FRAS1: variants seen among roughly 807,000 people sequenced by gnomAD.
FRAS1 encodes Fraser extracellular matrix complex subunit 1.
In FRAS1, 290 loss-of-function variants were observed where a neutral mutation model predicts 435.2. The ratio of observed to expected loss-of-function variants is 0.67; its 90% CI spans 0.61 to 0.73. The LOEUF is 0.73. Ranked by LOEUF, FRAS1 falls within the 30% of genes least tolerant of loss-of-function variation. The pLI, the probability that FRAS1 is intolerant of heterozygous loss-of-function variation, is 0.00. For missense variants in FRAS1, 4,860 were observed against 5,001.5 expected, an observed-to-expected ratio of 0.97 and a Z score of 0.85; for synonymous variants, 1,800 against 1,851.0, an observed-to-expected ratio of 0.97 and a Z score of 0.71.
intron 29 of FRAS1, among the ~76,000 whole-genome samples, chr4:78,398,442 G>A (rs765187523): frequency 6.6e-6 from 1 of 152,220 alleles, no homozygotes; most frequent in Non-Finnish European, 1.5e-5. Context: ...GAGTCACAAG[G>A]TGTATTGTCT....
At chr4:78,142,459 C>T (rs908043685) in intron 2 of FRAS1, among the ~76,000 whole-genome samples, 1 of 151,710 alleles carries the variant, frequency 6.6e-6, no homozygotes, top group Non-Finnish European at 1.5e-5. Context: ...TATGAGTAGA[C>T]AAGATGTAAC....
intron 2 of FRAS1, among the ~76,000 whole-genome samples, chr4:78,184,935 G>C (rs553126175): frequency 6.6e-6 from 1 of 152,262 alleles, no homozygotes; most frequent in South Asian, 2.1e-4. Flanking sequence ...TTCCTTCTGT[G>C]CTCATAGTTT....
intron 14 of FRAS1, among the ~76,000 whole-genome samples, chr4:78,305,788 C>T (rs896963763): frequency 2.6e-5 from 4 of 151,792 alleles, no homozygotes; most frequent in Non-Finnish European, 5.9e-5. Flanking sequence ...CTGAATATAG[C>T]ACACTGATGG....
At chr4:78,135,145 A>G (rs935346384) in intron 2 of FRAS1, among the ~76,000 whole-genome samples, 3 of 152,240 alleles carry the variant, frequency 2.0e-5, no homozygotes, top group African/African-American at 4.8e-5. Context: ...CTGCACTTGC[A>G]AATTAAAAAG....
intron 15 of FRAS1, among the ~76,000 whole-genome samples, chr4:78,311,633 C>T (rs930651958): frequency 6.6e-6 from 1 of 152,206 alleles, no homozygotes; most frequent in Non-Finnish European, 1.5e-5. Flanking sequence ...CTTCATTTGA[C>T]CAAGTAGTGC....
chr4:78,291,467 G>C (rs1442839133), intron 14 of FRAS1, among the ~76,000 whole-genome samples: 1 of 152,130 alleles, frequency 6.6e-6, no homozygotes, highest in Non-Finnish European at 1.5e-5. Context: ...CCTGTTGTGT[G>C]GCCCAGTTTC....
At chr4:78,486,831 T>C (rs1461615401) in intron 58 of FRAS1, among the ~76,000 whole-genome samples, 1 of 12,242 alleles carries the variant, frequency 8.2e-5, no homozygotes, top group Middle Eastern at 0.026. Context: ...TCTCTCTCTA[T>C]TTTTTTTTTT....
intron 36 of FRAS1, 37 bp from the exon 37 acceptor site, chr4:78,430,255 C>T (rs370538460): frequency 1.5e-4 from 247 of 1,613,150 alleles, no homozygotes; most frequent in Non-Finnish European, 1.8e-4. Context: ...TTAACATACG[C>T]TTTCTCTCTC....
intron 2 of FRAS1, among the ~76,000 whole-genome samples, chr4:78,208,130 A>T (rs1723340562): frequency 6.6e-6 from 1 of 152,166 alleles, no homozygotes; most frequent in African/African-American, 2.4e-5. Context: ...TTCTGTGCAG[A>T]CAACCCCCAC....
intron 10 of FRAS1, among the ~76,000 whole-genome samples, chr4:78,280,139 A>G (rs980093422): frequency 3.9e-5 from 6 of 152,226 alleles, no homozygotes; most frequent in Non-Finnish European, 7.3e-5. Context: ...TTATTAAGTC[A>G]AGAACTTTCA....
chr4:78,389,863 CATAA>C (rs1036926794), intron 29 of FRAS1, among the ~76,000 whole-genome samples: 2 of 152,108 alleles, frequency 1.3e-5, no homozygotes, highest in Admixed American at 6.5e-5. Flanking sequence ...AAATTTAATT[CATAA>C]ATAAAGCACA....
intron 2 of FRAS1, among the ~76,000 whole-genome samples, chr4:78,145,552 CCTAA>C (rs1257395915): frequency 2.0e-5 from 3 of 152,068 alleles, no homozygotes; most frequent in Middle Eastern, 3.2e-3. Context: ...GGTTAGAGAA[CCTAA>C]CTGAGCTATG....
At chr4:78,356,804 TA>T (rs71216212) in intron 20 of FRAS1, among the ~76,000 whole-genome samples, 15,700 of 151,880 alleles carry the variant, frequency 0.1, 910 homozygotes, top group African/African-American at 0.15. Context: ...GCCTTTCATA[TA>T]AAAAAAATTC....
At chr4:78,334,901 G>C (rs926745731) in intron 19 of FRAS1, among the ~76,000 whole-genome samples, 4 of 151,922 alleles carry the variant, frequency 2.6e-5, no homozygotes, top group Non-Finnish European at 5.9e-5. Context: ...TGGAACTATA[G>C]GCATACACCA....
intron 61 of FRAS1, among the ~76,000 whole-genome samples, chr4:78,505,820 T>C (rs1437051482): frequency 1.3e-5 from 2 of 152,222 alleles, no homozygotes; most frequent in Non-Finnish European, 2.9e-5. Context: ...CTCTGGTTTT[T>C]AGAATTTTCA....
At chr4:78,305,568 C>T (rs345539) in intron 14 of FRAS1, among the ~76,000 whole-genome samples, 63,648 of 103,784 alleles carry the variant, frequency 0.61, 21,408 homozygotes, top group African/African-American at 0.73. Context: ...CATATATATT[C>T]AGGATAGTTA....
intron 2 of FRAS1, among the ~76,000 whole-genome samples, chr4:78,104,270 C>A (rs1742279244): frequency 4.6e-5 from 7 of 152,156 alleles, no homozygotes; most frequent in Admixed American, 4.6e-4. Flanking sequence ...ACTACAGTTC[C>A]TTTGGCAATT....
rs1225896304 is a variant in FRAS1, at chr4:78,543,995, C to T, written c.*2871C>T. On this transcript the variant is annotated 3_prime_UTR_variant, in exon 74 of 74. Transcript: ENST00000512123. ...GTACCCCAGGCCTCCTAGAGGACTC[C>T]TGCAGATTCTATTGTTGGGTGGGAA... 1 of 152,624 alleles carries T rather than the reference C, an allele frequency of 6.6e-6. No individual in the cohort carries two copies. Among genetic ancestry groups the T allele is most frequent in the Admixed American group, 6.5e-5 (1 of 15,274 alleles). 9.5% of individuals were successfully genotyped at this position (152,624 alleles called of 1,614,324 possible). A position where few individuals can be genotyped will look rare whatever the true frequency, so the allele number is the denominator to read the frequency against.
Position 78,057,697 on chromosome 4 carries a change from C to T in FRAS1, c.-313C>T. 1 of 422,466 alleles carries T rather than the reference C, an allele frequency of 2.4e-6. No individual in the cohort carries two copies. The highest frequency in any genetic ancestry group is 4.2e-6 in the Non-Finnish European group (1 of 235,498). 26.2% of individuals were successfully genotyped at this position (422,466 alleles called of 1,614,324 possible). On this transcript the variant is annotated 5_prime_UTR_variant, in exon 1 of 74. Transcript: ENST00000512123. This position sits in a 1 kb window ranked among gnomAD's most constrained non-coding sequence, Gnocchi z 4.2. The stretch of plus-strand genomic sequence containing the variant: ...CGGCCAGTGACCAGCAACTTTCCGG[C>T]GAGATTTTGACGCGGAGAACTGTGC...
Sources: gnomAD v4.1 joint callset for allele counts (sites outside exome capture counted in the v4.1 genomes callset) on GRCh38, gnomAD v4.1.1 for gene constraint, Gnocchi (gnomAD v3.1) non-coding constraint, MANE v1.5 for transcripts, NCBI Gene and HGNC (gene_info 2026-07-23, HGNC 2026-07-21) for gene names.